Variants in MACROD1 observed in about 807,000 individuals in gnomAD.
The protein encoded by MACROD1 is mono-ADP ribosylhydrolase 1.
In MACROD1, 31 loss-of-function variants were observed where a neutral mutation model predicts 41.4. The observed-to-expected ratio is 0.75, with a 90% confidence interval of 0.56 to 1.01. The LOEUF is 1.01. MACROD1 is among the 50% of genes least tolerant of loss of function. MACROD1 has a pLI of 0.00. For missense variants in MACROD1, 473 were observed against 460.0 expected (o/e 1.03, Z -0.26); for synonymous variants, 252 against 203.4 (o/e 1.24, Z -2.03).
At chr11:64,056,412 G>T (rs530929402) in intron 3 of MACROD1, among the ~76,000 whole-genome samples, 176 of 152,326 alleles carry the variant, frequency 1.2e-3, no homozygotes, top group Non-Finnish European at 2.2e-3. Context: ...TACACCCACA[G>T]CCCAACCAGG....
At chr11:64,160,372 A>C (rs1185979362) in intron 1 of MACROD1, among the ~76,000 whole-genome samples, 1 of 152,062 alleles carries the variant, frequency 6.6e-6, no homozygotes, top group Non-Finnish European at 1.5e-5. Context: ...ATGCCTTCTG[A>C]CCTATACGTC....
intron 3 of MACROD1, among the ~76,000 whole-genome samples, chr11:64,112,754 G>A (rs1590925499): frequency 6.6e-6 from 1 of 152,312 alleles, no homozygotes; most frequent in East Asian, 1.9e-4. Flanking sequence ...CCTGGCTGCT[G>A]CAGTCAGTGA....
Position 64,064,124 on chromosome 11 carries a change from C to A in MACROD1, c.518-48843G>T, listed in dbSNP as rs1242779964. ...CCCCTATCTCTCCAAGCCCCTCGGT[C>A]TCTCCCACTCTCCCTTTCAGCATCT... On this transcript the variant is annotated intron_variant, in intron 3 of 10. Coordinates refer to ENST00000255681, the MANE Select transcript of MACROD1 (RefSeq NM_014067.4). The surrounding 1 kb of genome is among the most constrained non-coding windows in gnomAD (Gnocchi z 4.5). Among the ~76,000 whole-genome samples, 1 of 152,198 alleles carries A rather than the reference C, an allele frequency of 6.6e-6. No homozygotes were observed. Among genetic ancestry groups the A allele is most frequent in the Non-Finnish European group, 1.5e-5 (1 of 68,036 alleles).
chr11:64,124,245 G>A (rs1386477635), intron 3 of MACROD1, among the ~76,000 whole-genome samples: 2 of 152,168 alleles, frequency 1.3e-5, no homozygotes, highest in African/African-American at 2.4e-5. Context: ...CTGACAGAGA[G>A]CGCCTCCCAG....
chr11:64,037,955 T>C (rs1943414179), intron 3 of MACROD1, among the ~76,000 whole-genome samples: 1 of 152,228 alleles, frequency 6.6e-6, no homozygotes, highest in African/African-American at 2.4e-5. Flanking sequence ...GTGGTCCTGC[T>C]CCTGGACTGG....
rs1313030793 is a variant in MACROD1 at position 64,120,069 on chromosome 11, G to C, written c.517+31170C>G. Among the ~76,000 whole-genome samples, 1 of 152,192 alleles carries C rather than the reference G, an allele frequency of 6.6e-6. No homozygotes were observed. Among genetic ancestry groups the C allele is most frequent in the Non-Finnish European group, 1.5e-5 (1 of 68,042 alleles). On this transcript the variant is annotated intron_variant, in intron 3 of 10. Coordinates refer to ENST00000255681, the MANE Select transcript of MACROD1 (RefSeq NM_014067.4). This position sits in a 1 kb window ranked among gnomAD's most constrained non-coding sequence, Gnocchi z 4.5. ...CTATTTTCAAACGGCCTCCACCACC[G>C]TGCGAAAAGCAAAGGCAGAAGCAGC...
rs527979280 is a variant in MACROD1 at position 64,020,154 on chromosome 11, C to A, written c.518-4873G>T. 4.6e-5 allele frequency among the ~76,000 whole-genome samples: 7 copies of A among 152,234 alleles called. No individual in the cohort carries two copies. In the East Asian group the frequency reaches 1.4e-3, roughly 29 times the overall value. ...ACATTTGTCTTGATGCTAACCAAGT[C>A]ATAAAATATAATTTAAGATATGTTT... On this transcript the variant is annotated intron_variant, in intron 3 of 10. Transcript: ENST00000255681.
At chr11:64,053,801 G>A (rs1011547647) in intron 3 of MACROD1, among the ~76,000 whole-genome samples, 4 of 152,146 alleles carry the variant, frequency 2.6e-5, no homozygotes, top group Admixed American at 1.3e-4. Context: ...GCGGCATCCC[G>A]AGCCCCTTGC....
chr11:64,023,734 C>A (rs1029977251), intron 3 of MACROD1, among the ~76,000 whole-genome samples: 1 of 152,248 alleles, frequency 6.6e-6, no homozygotes, highest in East Asian at 1.9e-4. Flanking sequence ...TACCTCAGAG[C>A]GGCCTCCTTC....
chr11:64,035,266 G>T (rs1309075023), intron 3 of MACROD1, among the ~76,000 whole-genome samples: 1 of 152,064 alleles, frequency 6.6e-6, no homozygotes, highest in Non-Finnish European at 1.5e-5. Context: ...GCGCCCGGGT[G>T]TTTACAGCAC....
At chr11:64,115,245 TAAG>T (rs773454425) in intron 3 of MACROD1, among the ~76,000 whole-genome samples, 18 of 152,186 alleles carry the variant, frequency 1.2e-4, no homozygotes, top group Non-Finnish European at 2.5e-4. Context: ...TAAAATAATA[TAAG>T]AAAAATCTAT....
chr11:64,056,280 T>C (rs1943783741), intron 3 of MACROD1, among the ~76,000 whole-genome samples: 1 of 152,006 alleles, frequency 6.6e-6, no homozygotes, highest in South Asian at 2.1e-4. Context: ...TCAGCCTGTC[T>C]CCAGGGTCCC....
intron 3 of MACROD1, among the ~76,000 whole-genome samples, chr11:64,068,165 G>A (rs1228862161): frequency 1.3e-5 from 2 of 152,236 alleles, no homozygotes. Context: ...CAAATTGGCA[G>A]GACTCACGCT....
chr11:64,072,857 C>T (rs1054632773), intron 3 of MACROD1, among the ~76,000 whole-genome samples: 3 of 152,198 alleles, frequency 2.0e-5, no homozygotes, highest in African/African-American at 4.8e-5. Context: ...CTGTGAACCC[C>T]GAATCCCACA....
chr11:64,017,711 G>T (rs1171988549), intron 3 of MACROD1, among the ~76,000 whole-genome samples: 1 of 152,052 alleles, frequency 6.6e-6, no homozygotes, highest in Non-Finnish European at 1.5e-5. Context: ...TCAGGTCTCG[G>T]TCCAGCTCCA....
intron 3 of MACROD1, chr11:64,103,651 GT>G (rs1218114121): frequency 6.6e-5 from 10 of 152,194 alleles, no homozygotes; most frequent in African/African-American, 2.2e-4. Context: ...TTCAGAAGAG[GT>G]GGCGGGCTGC....
At chr11:64,110,975 G>A (rs541601174) in intron 3 of MACROD1, among the ~76,000 whole-genome samples, 5 of 152,342 alleles carry the variant, frequency 3.3e-5, no homozygotes, top group African/African-American at 1.2e-4. Context: ...CGGCAGGGGA[G>A]CCTTTGGCCA....
Position 64,146,153 on chromosome 11 carries a change from G to A in MACROD1, c.517+5086C>T, listed in dbSNP as rs533752276. Among the ~76,000 whole-genome samples, 2 of 152,264 alleles carry A rather than the reference G, an allele frequency of 1.3e-5. No individual in the cohort carries two copies. The highest frequency in any genetic ancestry group is 4.1e-4 in the South Asian group (2 of 4,826). ...CAGGAACAAGAAGTCCACACACACA[G>A]GTCTGGTGCACCAGGAAACTCAAGG... On this transcript the variant is annotated intron_variant, in intron 3 of 10. Coordinates refer to ENST00000255681, the MANE Select transcript of MACROD1 (RefSeq NM_014067.4). The surrounding 1 kb of genome is among the most constrained non-coding windows in gnomAD (Gnocchi z 4.7).
intron 3 of MACROD1, among the ~76,000 whole-genome samples, chr11:64,072,415 G>A (rs908853198): frequency 2.4e-4 from 35 of 148,648 alleles, no homozygotes; most frequent in African/African-American, 7.1e-4. Flanking sequence ...CAGCTGATCC[G>A]GCTCATTTAA....
Sources: gnomAD v4.1 joint callset for allele counts (sites outside exome capture counted in the v4.1 genomes callset) on GRCh38, gnomAD v4.1.1 for gene constraint, Gnocchi (gnomAD v3.1) non-coding constraint, MANE v1.5 for transcripts, NCBI Gene and HGNC (gene_info 2026-07-23, HGNC 2026-07-21) for gene names.